CNTNAP1: variants seen among roughly 807,000 people sequenced by gnomAD.
CNTNAP1 encodes contactin-associated protein 1.
Under a neutral mutation model 161.5 loss-of-function variants are expected in CNTNAP1, and 80 were observed. The observed-to-expected ratio is 0.50, with a 90% CI of 0.41 to 0.60. CNTNAP1 has a LOEUF of 0.60. CNTNAP1 is among the 20% of genes least tolerant of loss of function. The pLI is 0.00. For missense variants in CNTNAP1, 1,464 were observed against 1,854.8 expected (o/e 0.79, Z 3.87); for synonymous variants, 695 against 733.1 (o/e 0.95, Z 0.84).
In CNTNAP1 at chr17:42,682,948, T is replaced by C. The variant is rs577286225; in HGVS notation, c.67+52T>C. ...GGGTTGGGCCCAGGAGTCCAGAGCC[T>C]GCAGGGCGGCCCCGAACCGCATTGC... On this transcript the variant is annotated intron_variant, in intron 1 of 23. Transcript: ENST00000264638. The C allele has an allele frequency of 2.6e-6, 4 of 1,522,944 alleles. No homozygotes were observed. The African/African-American group carries it at 5.5e-5, about 21-fold the overall frequency. The allele number at this position is 1,522,944 out of a possible 1,614,324, so 94.3% of individuals were successfully genotyped here. A position where few individuals can be genotyped will look rare whatever the true frequency, so the allele number is the denominator to read the frequency against.
Position 42,690,140 on chromosome 17 carries a change from A to C in CNTNAP1, c.1788A>C (p.Gly596=). The C allele has an allele frequency of 6.2e-7, 1 of 1,614,092 alleles. No homozygotes were observed. The highest frequency in any genetic ancestry group is 1.1e-5 in the South Asian group (1 of 91,084). The change falls in exon 12 of 24, where the codon GGA becomes GGC. Residue 596 remains glycine (G), a synonymous_variant. Coordinates refer to ENST00000264638, the MANE Select transcript of CNTNAP1 (RefSeq NM_003632.3). ...EAYRLSGKTS[G]NFTIDPDGSG... ...ATCGGCTCAGTGGGAAAACTTCTGG[A>C]AACTTCACCATTGATCCTGATGGCA... is the stretch of plus-strand genomic sequence containing the variant.
Position 42,695,841 on chromosome 17 carries a change from C to T in CNTNAP1, c.3313C>T (p.Arg1105Cys). Residue 1105 changes from arginine (R) to cysteine (C), a missense_variant, in exon 19 of 24, where the codon CGT (arginine) becomes TGT (cysteine). Coordinates refer to ENST00000264638, the MANE Select transcript of CNTNAP1 (RefSeq NM_003632.3). ...CCTGCTCTACGTCAGTTCCTTTGTT[C>T]GTGACTACATGGCTGTGCTCATCAA... ...AVLLYVSSFV[R>C]DYMAVLIKDD... 6.2e-7 allele frequency: 1 copy of T among 1,614,084 alleles called. No individual in the cohort carries two copies. The highest frequency in any genetic ancestry group is 8.5e-7 in the Non-Finnish European group (1 of 1,179,964).
intron 16 of CNTNAP1, 51 bp from the exon 17 acceptor site, chr17:42,692,448 G>T (rs373795084): frequency 1.0e-5 from 15 of 1,473,972 alleles, no homozygotes; most frequent in Non-Finnish European, 2.8e-6. Context: ...TCTATGAAGG[G>T]TCTTGTAGGT....
chr17:42,691,527 CTT>C lies in CNTNAP1; in HGVS notation c.2344+19_2344+20del. 1.2e-6 allele frequency: 2 copies of C among 1,613,576 alleles called. No individual in the cohort carries two copies. Among genetic ancestry groups the C allele is most frequent in the Non-Finnish European group, 8.5e-7 (1 of 1,179,822 alleles). ...TATGGCGATCGTGAGTGGCAGTCCC[CTT>C]TTGTGTGCCCTCCCAGAGCTGACTC... is the stretch of plus-strand genomic sequence containing the variant. On this transcript the variant is annotated intron_variant, in intron 15 of 23. Coordinates refer to ENST00000264638, the MANE Select transcript of CNTNAP1 (RefSeq NM_003632.3). The surrounding 1 kb of genome is among the most constrained non-coding windows in gnomAD (Gnocchi z 4.3).
Position 42,697,542 on chromosome 17 carries a change from C to A in CNTNAP1, c.3569-12C>A, listed in dbSNP as rs1383651277. ...GTCCAAGTCCCTCTTTCTGGGCCTG[C>A]CTCTCTCTCAGAGACAGGAGTCATT... On this transcript the variant is annotated splice_polypyrimidine_tract_variant and intron_variant, in intron 21 of 23. Coordinates refer to ENST00000264638, the MANE Select transcript of CNTNAP1 (RefSeq NM_003632.3). 4 of 1,613,546 alleles carry A rather than the reference C, an allele frequency of 2.5e-6. No homozygotes were observed. Among genetic ancestry groups the A allele is most frequent in the Non-Finnish European group, 3.4e-6 (4 of 1,179,640 alleles).
rs771921686 is a variant in CNTNAP1 at position 42,691,291 on chromosome 17, G to A, written c.2214G>A (p.Gln738=). ...GCAACTGTGACGCTGACCAGCCCCA[G>A]TGGTGAGGGGGCAAAGGGACAGGGT... The part of the protein sequence containing the change: ...LYCNCDADQP[Q]WRTDKGLLTF... The change falls in exon 14 of 24, where the codon CAG becomes CAA. Residue 738 remains glutamine, a splice_region_variant and synonymous_variant. Transcript: ENST00000264638. This position sits in a 1 kb window ranked among gnomAD's most constrained non-coding sequence, Gnocchi z 4.3. 6.2e-7 allele frequency: 1 copy of A among 1,614,170 alleles called. No individual in the cohort carries two copies. Among genetic ancestry groups the A allele is most frequent in the South Asian group, 1.1e-5 (1 of 91,090 alleles).
Position 42,698,787 on chromosome 17 carries a change from C to G in CNTNAP1, c.4032C>G (p.Thr1344=). 1.2e-6 allele frequency: 2 copies of G among 1,611,564 alleles called. No individual in the cohort carries two copies. Among genetic ancestry groups the G allele is most frequent in the Non-Finnish European group, 1.7e-6 (2 of 1,179,862 alleles). ...CTTCAGGCCCTGCCCAGGTCCCCACCCCTACAGCAGCTCCCAACCAAGCTC... is the reference window on the plus strand; with the variant it reads ...CTTCAGGCCCTGCCCAGGTCCCCACGCCTACAGCAGCTCCCAACCAAGCTC... ...LPTSGPAQVP[T]PTAAPNQAPA... is the part of the protein sequence containing the mutation. The change falls in exon 24 of 24, where the codon ACC becomes ACG. Residue 1344 remains threonine (T), a synonymous_variant. Coordinates refer to ENST00000264638, the MANE Select transcript of CNTNAP1 (RefSeq NM_003632.3).
intron 18 of CNTNAP1, among the ~76,000 whole-genome samples, chr17:42,695,298 C>T (rs2053137566): frequency 6.6e-6 from 1 of 152,118 alleles, no homozygotes; most frequent in Non-Finnish European, 1.5e-5. Context: ...CCTGTTTCCC[C>T]ATTTGTAAAA....
intron 1 of CNTNAP1, 59 bp downstream of exon 1, chr17:42,682,955 C>A (rs1005121408): frequency 6.1e-6 from 9 of 1,473,686 alleles, no homozygotes; most frequent in Non-Finnish European, 8.2e-6. Flanking sequence ...GCCTGCAGGG[C>A]GGCCCCGAAC....
chr17:42,695,169 A>C (rs1350132168), intron 18 of CNTNAP1, among the ~76,000 whole-genome samples: 3 of 151,838 alleles, frequency 2.0e-5, no homozygotes, highest in African/African-American at 7.3e-5. Context: ...CTGTTCTCGA[A>C]CTCCTGACCT....
rs1307780692 is a variant in CNTNAP1, at chr17:42,692,075, G to A, written c.2530+84G>A. ...AGGGGTAGGCTGGGGTTGGAGCCAAGGGCAGATGCCCTTTTGACAGGCAGC... is the reference window on the plus strand; with the variant it reads ...AGGGGTAGGCTGGGGTTGGAGCCAAAGGCAGATGCCCTTTTGACAGGCAGC... On this transcript the variant is annotated intron_variant, in intron 16 of 23. Coordinates refer to ENST00000264638, the MANE Select transcript of CNTNAP1 (RefSeq NM_003632.3). 2.8e-6 allele frequency: 4 copies of A among 1,408,984 alleles called. No homozygotes were observed. The African/African-American group carries it at 5.7e-5, about 20-fold the overall frequency. The allele number at this position is 1,408,984 out of a possible 1,614,324, so 87.3% of individuals were successfully genotyped here.
rs1449655631 is a variant in CNTNAP1 at position 42,691,829 on chromosome 17, T to G, written c.2368T>G (p.Phe790Val). 1 of 1,614,070 alleles carries G rather than the reference T, an allele frequency of 6.2e-7. No individual in the cohort carries two copies. The highest frequency in any genetic ancestry group is 1.1e-5 in the South Asian group (1 of 91,070). Residue 790 changes from phenylalanine to valine, a missense_variant, in exon 16 of 24, where the codon TTC (phenylalanine) becomes GTC (valine). Physicochemically the swap from Phe to Val is conservative, Grantham distance 50 (BLOSUM62 -1). Coordinates refer to ENST00000264638, the MANE Select transcript of CNTNAP1 (RefSeq NM_003632.3). The surrounding 1 kb of genome is among the most constrained non-coding windows in gnomAD (Gnocchi z 4.3). ...GDRNSWNTIS[F>V]HTGAALRFPP... ...AGGAAATTCCTGGAACACCATTTCCTTCCACACCGGGGCTGCACTACGCTT... is the reference window on the plus strand; with the variant it reads ...AGGAAATTCCTGGAACACCATTTCCGTCCACACCGGGGCTGCACTACGCTT...
In CNTNAP1 at chr17:42,690,158, T is replaced by C. The variant is rs371545391; in HGVS notation, c.1806T>C (p.Pro602=). ...CTTCTGGAAACTTCACCATTGATCC[T>C]GATGGCAGTGGCCCCCTGAAGCCAT... ...GKTSGNFTID[P]DGSGPLKPFV... The change falls in exon 12 of 24, where the codon CCT becomes CCC. Residue 602 remains proline (P), a synonymous_variant. Coordinates refer to ENST00000264638, the MANE Select transcript of CNTNAP1 (RefSeq NM_003632.3). 24 of 1,613,952 alleles carry C rather than the reference T, an allele frequency of 1.5e-5. No homozygotes were observed. Among genetic ancestry groups the C allele is most frequent in the Non-Finnish European group, 1.9e-5 (23 of 1,179,992 alleles).
At chr17:42,695,457 A>T in intron 18 of CNTNAP1, 64 bp from the exon 19 acceptor site, 1 of 1,316,748 alleles carries the variant, frequency 7.6e-7, no homozygotes, top group Non-Finnish European at 1.1e-6. Context: ...TATGGATGAC[A>T]TAAAACCTCT....
intron 20 of CNTNAP1, 110 bp downstream of exon 20, chr17:42,696,262 A>G (rs1251435468): frequency 7.1e-7 from 1 of 1,409,602 alleles, no homozygotes; most frequent in African/African-American, 1.4e-5. Context: ...TTGAATGTAT[A>G]GAGGATTTTC....
chr17:42,682,955 CG>C (rs2052955888), intron 1 of CNTNAP1, 59 bp downstream of exon 1: 1 of 1,473,566 alleles, frequency 6.8e-7, no homozygotes, highest in Non-Finnish European at 9.1e-7. Context: ...GCCTGCAGGG[CG>C]GCCCCGAACC....
chr17:42,682,735 C>A lies in CNTNAP1; in HGVS notation c.-95C>A. The A allele has an allele frequency of 1.5e-6, 2 of 1,325,292 alleles. No homozygotes were observed. Among genetic ancestry groups the A allele is most frequent in the Non-Finnish European group, 2.1e-6 (2 of 954,136 alleles). The allele number at this position is 1,325,292 out of a possible 1,614,324, so 82.1% of individuals were successfully genotyped here. On this transcript the variant is annotated 5_prime_UTR_variant, in exon 1 of 24. Coordinates refer to ENST00000264638, the MANE Select transcript of CNTNAP1 (RefSeq NM_003632.3). ...GTAAGGAGGAGAGAGCGGTCTGCTG[C>A]AAACCCCAGGAGGAGAGCTTGGAGC...
At chr17:42,690,005 G>A in intron 11 of CNTNAP1, 83 bp from the exon 12 acceptor site, 1 of 1,509,134 alleles carries the variant, frequency 6.6e-7, no homozygotes, top group Non-Finnish European at 9.1e-7. Flanking sequence ...CTCCCAAAGT[G>A]CTGGGATTAC....
At chr17:42,683,477 A>G in intron 1 of CNTNAP1, 1 of 1,146,406 alleles carries the variant, frequency 8.7e-7, no homozygotes, top group African/African-American at 1.6e-5. Flanking sequence ...TTGGAGCTGG[A>G]TTGGTGTCTT....
Sources: allele counts gnomAD v4.1 joint callset (sites outside exome capture counted in the v4.1 genomes callset), GRCh38; gene constraint gnomAD v4.1.1; non-coding constraint Gnocchi (gnomAD v3.1); transcripts MANE v1.5; gene names NCBI Gene and HGNC (gene_info 2026-07-23, HGNC 2026-07-21).